Variants in SHISA9 observed in about 807,000 individuals in gnomAD.
SHISA9 encodes shisa family member 9.
SHISA9 carries 13 observed loss-of-function variants against 38.0 expected under a neutral mutation model. The observed-to-expected ratio is 0.34, with a 90% CI of 0.22 to 0.54. The LOEUF (loss-of-function observed/expected upper bound fraction) is 0.54. Among genes scored for constraint, SHISA9 ranks in the 20% least tolerant of loss-of-function variants. The pLI, the probability that SHISA9 is intolerant of heterozygous loss-of-function variation, is 0.91. For synonymous variants in SHISA9, 275 were observed against 242.0 expected, an observed-to-expected ratio of 1.14 and a Z score of -1.27; for missense variants, 538 against 575.8, an observed-to-expected ratio of 0.93 and a Z score of 0.67.
At chr16:13,480,124 G>T in the SHISA9 span, among the ~76,000 whole-genome samples, 2 of 152,136 alleles carry the variant, frequency 1.3e-5, no homozygotes, top group Admixed American at 6.5e-5. Context: ...CCCATGTTTT[G>T]CTTGGTGTGC....
At chr16:12,945,765 C>T (rs1219486850) in intron 2 of SHISA9, among the ~76,000 whole-genome samples, 5 of 152,174 alleles carry the variant, frequency 3.3e-5, no homozygotes, top group African/African-American at 1.2e-4. Context: ...AATAAGAACT[C>T]ATTAAATGTG....
chr16:13,140,047 C>CCCTCTCCTCTCCTCT (rs962550957), intron 2 of SHISA9, among the ~76,000 whole-genome samples: 1 of 148,866 alleles, frequency 6.7e-6, no homozygotes, highest in African/African-American at 2.5e-5. Context: ...TAGTCCCCTC[C>CCCTCTCCTCTCCTCT]CCTCTCCTCT....
At chr16:12,966,851 G>C (rs1304337089) in intron 2 of SHISA9, among the ~76,000 whole-genome samples, 1 of 152,214 alleles carries the variant, frequency 6.6e-6, no homozygotes. Flanking sequence ...TCTGTCCTGG[G>C]TGGTTAAATA....
At chr16:13,198,200 A>G (rs959874055) in intron 2 of SHISA9, among the ~76,000 whole-genome samples, 2 of 151,806 alleles carry the variant, frequency 1.3e-5, no homozygotes, top group East Asian at 1.9e-4. Flanking sequence ...AAAAATTAAT[A>G]TATGTGTGTA....
chr16:13,279,733 A>G, the SHISA9 span, among the ~76,000 whole-genome samples: 1 of 151,926 alleles, frequency 6.6e-6, no homozygotes, highest in African/African-American at 2.4e-5. Flanking sequence ...TTGTGAAATC[A>G]CTTCTTTCTC....
chr16:13,370,518 T>C, the SHISA9 span, among the ~76,000 whole-genome samples: 1 of 152,192 alleles, frequency 6.6e-6, no homozygotes, highest in Non-Finnish European at 1.5e-5. Context: ...ACTGTTAACC[T>C]GCACCGACTT....
At chr16:13,409,277 C>T in the SHISA9 span, among the ~76,000 whole-genome samples, 1 of 152,208 alleles carries the variant, frequency 6.6e-6, no homozygotes, top group Non-Finnish European at 1.5e-5. Context: ...TCAGTAAAAC[C>T]CCTGCATTCA....
the SHISA9 span, among the ~76,000 whole-genome samples, chr16:13,258,105 A>G: frequency 1.3e-5 from 2 of 152,222 alleles, no homozygotes; most frequent in Non-Finnish European, 2.9e-5. Flanking sequence ...GACACCATTT[A>G]GCCATCTGCC....
chr16:12,901,688 C>T lies in SHISA9; in HGVS notation c.-377C>T. ...GCGAGAGGGCTAGGGGCGGCCAGTC[C>T]GGGGCTGCCGGCCAAGGCTAGGCGC... On this transcript the variant is annotated 5_prime_UTR_variant, in exon 1 of 5. Transcript: ENST00000558583. 6.6e-6 allele frequency: 1 copy of T among 151,340 alleles called. No homozygotes were observed. Among genetic ancestry groups the T allele is most frequent in the Non-Finnish European group, 1.5e-5 (1 of 67,944 alleles). The allele number at this position is 151,340 out of a possible 1,614,324, so 9.4% of individuals were successfully genotyped here. A position where few individuals can be genotyped will look rare whatever the true frequency, so the allele number is the denominator to read the frequency against.
chr16:12,971,222 C>T (rs2072077862), intron 2 of SHISA9, among the ~76,000 whole-genome samples: 1 of 152,208 alleles, frequency 6.6e-6, no homozygotes, highest in Non-Finnish European at 1.5e-5. Flanking sequence ...TATCCCCCCT[C>T]CAAATCAGGA....
At chr16:12,950,992 C>T (rs1442821019) in intron 2 of SHISA9, among the ~76,000 whole-genome samples, 2 of 149,288 alleles carry the variant, frequency 1.3e-5, no homozygotes, top group East Asian at 2.0e-4. Flanking sequence ...GGGGACGAGG[C>T]GGGTGGATCA....
intron 2 of SHISA9, among the ~76,000 whole-genome samples, chr16:12,929,770 C>G (rs2071439616): frequency 6.6e-6 from 1 of 151,990 alleles, no homozygotes; most frequent in Non-Finnish European, 1.5e-5. Context: ...CCTGCACATC[C>G]TGCACACGTA....
intron 4 of SHISA9, among the ~76,000 whole-genome samples, chr16:13,219,181 C>T (rs896848527): frequency 6.6e-6 from 1 of 152,184 alleles, no homozygotes; most frequent in African/African-American, 2.4e-5. Context: ...GCTCTTGCAT[C>T]AAGATTGCAA....
the SHISA9 span, among the ~76,000 whole-genome samples, chr16:13,425,451 C>T: frequency 6.6e-6 from 1 of 151,792 alleles, no homozygotes; most frequent in African/African-American, 2.4e-5. Context: ...TGCACACCTG[C>T]ACTCCAGCCT....
At chr16:13,510,286 C>T in the SHISA9 span, among the ~76,000 whole-genome samples, 696 of 152,164 alleles carry the variant, frequency 4.6e-3, 7 homozygotes, top group African/African-American at 0.016. Flanking sequence ...CCAGCCTGGG[C>T]GATAAGAGTG....
At chr16:13,326,271 G>A in the SHISA9 span, among the ~76,000 whole-genome samples, 1 of 152,046 alleles carries the variant, frequency 6.6e-6, no homozygotes, top group African/African-American at 2.4e-5. Context: ...GCATCCTCAT[G>A]AGCCCACTAA....
At position 12,901,647 on chromosome 16, in the gene SHISA9, A is replaced by T. The variant is rs2071014760; in HGVS notation, c.-418A>T. 6.8e-6 allele frequency: 1 copy of T among 147,790 alleles called. No homozygotes were observed. 9.2% of individuals were successfully genotyped at this position (147,790 alleles called of 1,614,324 possible). On this transcript the variant is annotated 5_prime_UTR_variant, in exon 1 of 5. Coordinates refer to ENST00000558583, the MANE Select transcript of SHISA9 (RefSeq NM_001145204.3). Reference sequence around the variant, plus strand: ...CTTCAGCGCACTTGGCGAGCTGGTGAGGTGAGAGGGATACTGCGAGAGGGC... The same window carrying T: ...CTTCAGCGCACTTGGCGAGCTGGTGTGGTGAGAGGGATACTGCGAGAGGGC...
At chr16:13,298,640 C>T in the SHISA9 span, among the ~76,000 whole-genome samples, 1 of 152,202 alleles carries the variant, frequency 6.6e-6, no homozygotes, top group Non-Finnish European at 1.5e-5. Flanking sequence ...GCTTGAGCTT[C>T]TTCATCACCA....
intron 2 of SHISA9, among the ~76,000 whole-genome samples, chr16:12,972,970 G>A (rs890238416): frequency 6.6e-6 from 1 of 152,092 alleles, no homozygotes; most frequent in Non-Finnish European, 1.5e-5. Flanking sequence ...GCAAAAATTA[G>A]CCAGGCGTGG....
Sources: allele counts gnomAD v4.1 joint callset (sites outside exome capture counted in the v4.1 genomes callset), GRCh38; gene constraint gnomAD v4.1.1; transcripts MANE v1.5; gene names NCBI Gene and HGNC (gene_info 2026-07-23, HGNC 2026-07-21).